Variants in MAOB observed in about 807,000 individuals in gnomAD.
MAOB encodes the protein monoamine oxidase B.
In MAOB, 15 loss-of-function variants were observed where a neutral mutation model predicts 41.9. The ratio of observed to expected loss-of-function variants is 0.36; its 90% CI spans 0.24 to 0.55. MAOB has a LOEUF of 0.55. MAOB is among the 20% of genes least tolerant of loss of function. MAOB has a pLI of 0.86. For missense variants in MAOB, 345 were observed against 398.7 expected (o/e 0.87, Z 1.15); for synonymous variants, 167 against 144.2 (o/e 1.16, Z -1.13).
At chrX:43,828,532 G>A (rs1184154073) in intron 3 of MAOB, among the ~76,000 whole-genome samples, 1 of 109,485 alleles carries the variant, frequency 9.1e-6, no homozygotes, top group Non-Finnish European at 1.9e-5. Context: ...TCAGTGATGA[G>A]GCATAAGACA....
intron 1 of MAOB, among the ~76,000 whole-genome samples, chrX:43,852,731 C>A (rs772302875): frequency 2.7e-5 from 3 of 111,700 alleles, no homozygotes; most frequent in Non-Finnish European, 5.6e-5. Flanking sequence ...ACTTATTGGG[C>A]AACAGGGGAC....
At chrX:43,792,530 G>T (rs2034475858) in intron 8 of MAOB, among the ~76,000 whole-genome samples, 1 of 111,758 alleles carries the variant, frequency 8.9e-6, no homozygotes, top group Non-Finnish European at 1.9e-5. Context: ...TAGGCAAAAT[G>T]CATGAACAGA....
intron 3 of MAOB, among the ~76,000 whole-genome samples, chrX:43,837,442 C>A (rs1378953570): frequency 8.9e-6 from 1 of 112,321 alleles, no homozygotes; most frequent in Non-Finnish European, 1.9e-5. Flanking sequence ...AGGTGATCCG[C>A]CCGCCTCAGC....
intron 1 of MAOB, among the ~76,000 whole-genome samples, chrX:43,860,079 T>C (rs901786422): frequency 8.9e-6 from 1 of 112,048 alleles, no homozygotes; most frequent in Non-Finnish European, 1.9e-5. Context: ...CTTCACTTGT[T>C]TCTGAACCAC....
At chrX:43,775,055 GTTTT>G (rs373072993) in intron 12 of MAOB, 116 bp downstream of exon 12, 193 of 615,482 alleles carry the variant, frequency 3.1e-4, no homozygotes, top group African/African-American at 7.8e-4. Flanking sequence ...AAATTGGGTT[GTTTT>G]TTTTTTTTTT....
At chrX:43,818,101 C>A (rs539611759) in intron 3 of MAOB, among the ~76,000 whole-genome samples, 2 of 112,252 alleles carry the variant, frequency 1.8e-5, no homozygotes, top group South Asian at 7.4e-4. Context: ...TAATAATGCT[C>A]ATATAAACAA....
intron 3 of MAOB, among the ~76,000 whole-genome samples, chrX:43,831,472 A>G (rs1398825922): frequency 9.0e-6 from 1 of 111,248 alleles, no homozygotes; most frequent in Admixed American, 9.6e-5. Flanking sequence ...CAGACCTCTT[A>G]TATAAGCATC....
intron 3 of MAOB, among the ~76,000 whole-genome samples, chrX:43,818,183 T>C (rs2034841728): frequency 8.9e-6 from 1 of 112,463 alleles, no homozygotes; most frequent in Admixed American, 9.4e-5. Flanking sequence ...ACCCATGTTG[T>C]AGCATGTGTC....
At chrX:43,807,568 T>C (rs760970346) in intron 3 of MAOB, among the ~76,000 whole-genome samples, 43 of 112,716 alleles carry the variant, frequency 3.8e-4, no homozygotes, top group African/African-American at 1.4e-3. Flanking sequence ...TGAGTCATGG[T>C]CTGCCACTCA....
chrX:43,879,178 G>A (rs2035458679), intron 1 of MAOB, among the ~76,000 whole-genome samples: 2 of 111,647 alleles, frequency 1.8e-5, no homozygotes, highest in African/African-American at 6.5e-5. Context: ...AGAGATTTCA[G>A]TGCATACTCA....
chrX:43,837,386 C>T lies in MAOB; in HGVS notation c.279+1482G>A, dbSNP rs186832842. On this transcript the variant is annotated intron_variant, in intron 3 of 14. Transcript: ENST00000378069. ...TAAAATTTGGTATTTTTAGTAGAGA[C>T]GGGGTTTCGCCATGATGGCCAGGCT... Among the ~76,000 whole-genome samples, 39 of 111,955 alleles carry T rather than the reference C, an allele frequency of 3.5e-4. 1 individual carries two copies. Among genetic ancestry groups the T allele is most frequent in the African/African-American group, 1.2e-3 (36 of 30,849 alleles).
intron 12 of MAOB, among the ~76,000 whole-genome samples, chrX:43,771,786 C>A (rs959921691): frequency 9.0e-6 from 1 of 110,934 alleles, no homozygotes; most frequent in African/African-American, 3.3e-5. Context: ...TAATTTTAAA[C>A]AAAGAGATAG....
At chrX:43,856,880 A>G (rs769177045) in intron 1 of MAOB, among the ~76,000 whole-genome samples, 1 of 106,840 alleles carries the variant, frequency 9.4e-6, no homozygotes, top group Admixed American at 1.0e-4. Flanking sequence ...GGACCCGAGC[A>G]GTTCAAGCCT....
intron 1 of MAOB, among the ~76,000 whole-genome samples, chrX:43,869,174 G>A (rs759659444): frequency 9.0e-6 from 1 of 111,684 alleles, no homozygotes; most frequent in South Asian, 3.8e-4. Context: ...TGGTCTAGCT[G>A]CATAAAGTGT....
At chrX:43,867,018 G>T (rs188700309) in intron 1 of MAOB, among the ~76,000 whole-genome samples, 1 of 112,700 alleles carries the variant, frequency 8.9e-6, no homozygotes, top group Non-Finnish European at 1.9e-5. Flanking sequence ...AGCCCCACCC[G>T]CACTGCTCAC....
In MAOB at chrX:43,804,455, AAG is replaced by A. The variant is rs367565430; in HGVS notation, c.280-1053_280-1052del. 3.9e-3 allele frequency among the ~76,000 whole-genome samples: 418 copies of A among 106,389 alleles called. 4 individuals are homozygous for A. The highest frequency in any genetic ancestry group is 0.039 in the South Asian group (96 of 2,493). The allele number at this position is 106,389 out of a possible 115,157, so 92.4% of individuals were successfully genotyped here. ...TTAGAGAAACAGAACCAACAGGAGA[AAG>A]AGAGAGAGAGAGAGAGAGAGATACA... On this transcript the variant is annotated intron_variant, in intron 3 of 14. Transcript: ENST00000378069.
Position 43,784,861 on chromosome X carries a change from T to C in MAOB, c.929-3317A>G, listed in dbSNP as rs1244643786. On this transcript the variant is annotated intron_variant, in intron 8 of 14. Coordinates refer to ENST00000378069, the MANE Select transcript of MAOB (RefSeq NM_000898.5). ...TTTGGTCTATATTAAAAACCTGTTG[T>C]TTCCGGTCGGGTGTGGTGGCTCTTG... 4.9e-4 allele frequency among the ~76,000 whole-genome samples: 55 copies of C among 112,453 alleles called. No individual in the cohort carries two copies. The Admixed American group carries it at 5.0e-3, about 10-fold the overall frequency.
chrX:43,843,966 G>A (rs2035171592), intron 1 of MAOB: 9 of 965,466 alleles, frequency 9.3e-6, no homozygotes, highest in Non-Finnish European at 1.2e-5. Flanking sequence ...TCATTTTTTA[G>A]TAAATTTCTC....
chrX:43,769,400 C>A lies in MAOB; in HGVS notation c.1254G>T (p.Val418=), dbSNP rs1466639531. ...CGGTGCCTGCAAAGTAAATCCTGTCCACTGGCTGGCGTAGAACCCTTGGAA... is the reference window on the plus strand; with the variant it reads ...CGGTGCCTGCAAAGTAAATCCTGTCAACTGGCTGGCGTAGAACCCTTGGAA... The part of the protein sequence containing the change: ...TQYGRVLRQP[V]DRIYFAGTET... The change falls in exon 13 of 15, where the codon GTG becomes GTT. Residue 418 remains valine (V), a synonymous_variant. Transcript: ENST00000378069. The A allele has an allele frequency of 8.3e-7, 1 of 1,209,325 alleles. No homozygotes were observed. Among genetic ancestry groups the A allele is most frequent in the Non-Finnish European group, 1.1e-6 (1 of 894,666 alleles).
Sources: allele counts gnomAD v4.1 joint callset (sites outside exome capture counted in the v4.1 genomes callset), GRCh38; gene constraint gnomAD v4.1.1; transcripts MANE v1.5; gene names NCBI Gene and HGNC (gene_info 2026-07-23, HGNC 2026-07-21).